Variants in TUBGCP3 observed in about 807,000 individuals in gnomAD.
The protein encoded by TUBGCP3 is gamma-tubulin complex component 3.
TUBGCP3 carries 50 observed loss-of-function variants against 123.1 expected under a neutral mutation model. The ratio of observed to expected loss-of-function variants is 0.41; its 90% CI spans 0.32 to 0.51. TUBGCP3 has a LOEUF of 0.51. Ranked by LOEUF, TUBGCP3 falls within the 20% of genes least tolerant of loss-of-function variation. TUBGCP3 has a pLI of 0.36. For synonymous variants in TUBGCP3, 405 were observed against 413.9 expected (o/e 0.98, Z 0.26); for missense variants, 882 against 1,127.0 (o/e 0.78, Z 3.11).
At chr13:112,576,127 A>AC (rs1408717879) in intron 1 of TUBGCP3, among the ~76,000 whole-genome samples, 1 of 152,270 alleles carries the variant, frequency 6.6e-6, no homozygotes, top group Admixed American at 6.5e-5. Flanking sequence ...AGTAACAACT[A>AC]CAAGACTTAA....
intron 5 of TUBGCP3, 85 bp downstream of exon 5, chr13:112,558,111 G>A (rs1474828151): frequency 1.4e-6 from 2 of 1,431,740 alleles, no homozygotes; most frequent in Admixed American, 2.2e-5. Flanking sequence ...TGATACTGTG[G>A]GTGAACATCA....
At chr13:112,550,515 A>G (rs1445112665) in intron 8 of TUBGCP3, among the ~76,000 whole-genome samples, 2 of 152,190 alleles carry the variant, frequency 1.3e-5, no homozygotes, top group African/African-American at 4.8e-5. Context: ...CAGGGGGTAA[A>G]AATCCAGGGC....
chr13:112,555,317 C>T (rs898396973), intron 6 of TUBGCP3, among the ~76,000 whole-genome samples: 6 of 152,098 alleles, frequency 3.9e-5, no homozygotes, highest in African/African-American at 4.8e-5. Context: ...GAGACTACTG[C>T]GGGGGCTAAT....
At chr13:112,596,954 T>C in the TUBGCP3 span, among the ~76,000 whole-genome samples, 6 of 152,148 alleles carry the variant, frequency 3.9e-5, no homozygotes, top group African/African-American at 1.4e-4. Flanking sequence ...CATAACGCAG[T>C]GAAAAAACCT....
At chr13:112,492,344 T>C (rs1880152314) in intron 20 of TUBGCP3, among the ~76,000 whole-genome samples, 1 of 147,548 alleles carries the variant, frequency 6.8e-6, no homozygotes, top group South Asian at 2.1e-4. Flanking sequence ...TTGTCTTTTA[T>C]TTCTTTACAC....
At chr13:112,533,815 T>TA (rs1294907268) in intron 11 of TUBGCP3, among the ~76,000 whole-genome samples, 3 of 146,762 alleles carry the variant, frequency 2.0e-5, no homozygotes, top group African/African-American at 5.3e-5. Context: ...TTTTTTTTTT[T>TA]TAATTTTCTA....
intron 11 of TUBGCP3, among the ~76,000 whole-genome samples, chr13:112,534,141 G>A (rs1054994552): frequency 3.3e-5 from 5 of 152,176 alleles, no homozygotes; most frequent in Admixed American, 2.0e-4. Context: ...GCCCGACTCC[G>A]GGGGCTGCTG....
At chr13:112,597,731 T>C in the TUBGCP3 span, among the ~76,000 whole-genome samples, 1 of 148,022 alleles carries the variant, frequency 6.8e-6, no homozygotes, top group Admixed American at 6.7e-5. Flanking sequence ...AAAAAAATGG[T>C]GGTGACATGA....
At position 112,511,591 on chromosome 13, in the gene TUBGCP3, C is replaced by T. The variant is rs1262004686; in HGVS notation, c.2086+4849G>A. Among the ~76,000 whole-genome samples, 1 of 151,944 alleles carries T rather than the reference C, an allele frequency of 6.6e-6. No individual in the cohort carries two copies. The highest frequency in any genetic ancestry group is 2.4e-5 in the African/African-American group (1 of 41,362). ...AGCTGCAGGCCACAGGAGCCTGCAGCTCCACAGACTTTAAGACACATTGAG... is the reference window on the plus strand; with the variant it reads ...AGCTGCAGGCCACAGGAGCCTGCAGTTCCACAGACTTTAAGACACATTGAG... On this transcript the variant is annotated intron_variant, in intron 17 of 21. Coordinates refer to ENST00000261965, the MANE Select transcript of TUBGCP3 (RefSeq NM_006322.6). The surrounding 1 kb of genome is among the most constrained non-coding windows in gnomAD (Gnocchi z 4.1).
chr13:112,520,098 A>G, intron 14 of TUBGCP3, 77 bp from the exon 15 acceptor site: 1 of 1,386,566 alleles, frequency 7.2e-7, no homozygotes, highest in South Asian at 1.4e-5. Flanking sequence ...TAAACTATTA[A>G]AAGTAAGAGT....
intron 12 of TUBGCP3, 96 bp from the exon 13 acceptor site, chr13:112,527,146 G>C: frequency 9.0e-7 from 1 of 1,107,072 alleles, no homozygotes; most frequent in Non-Finnish European, 1.3e-6. Context: ...GCTATTGATT[G>C]AAAACTAACA....
At chr13:112,502,631 C>T (rs191512847) in intron 19 of TUBGCP3, among the ~76,000 whole-genome samples, 11 of 150,670 alleles carry the variant, frequency 7.3e-5, no homozygotes, top group Admixed American at 5.3e-4. Flanking sequence ...CTGCAAGCTC[C>T]GCCTCCCGGG....
intron 11 of TUBGCP3, among the ~76,000 whole-genome samples, chr13:112,543,176 C>A (rs1324959361): frequency 6.6e-6 from 1 of 151,876 alleles, no homozygotes; most frequent in African/African-American, 2.4e-5. Context: ...GCGGTCCATG[C>A]AGGTATGCAG....
In TUBGCP3 at chr13:112,545,309, A is replaced by G. The variant is rs190236255; in HGVS notation, c.1335+390T>C. 1.2e-3 allele frequency: 248 copies of G among 205,932 alleles called. 2 individuals are homozygous for G. Among genetic ancestry groups the G allele is most frequent in the Non-Finnish European group, 8.3e-4 (82 of 98,468 alleles). 12.8% of individuals were successfully genotyped at this position (205,932 alleles called of 1,614,324 possible). A position where few individuals can be genotyped will look rare whatever the true frequency, so the allele number is the denominator to read the frequency against. ...TATTTCAATAGCTACATACACAACT[A>G]ACTTGTTTCATTAAGCTGTTAGCAC... On this transcript the variant is annotated intron_variant, in intron 11 of 21. Transcript: ENST00000261965. This position sits in a 1 kb window ranked among gnomAD's most constrained non-coding sequence, Gnocchi z 4.1.
At chr13:112,502,804 CAA>C (rs1406464781) in intron 19 of TUBGCP3, among the ~76,000 whole-genome samples, 1 of 152,080 alleles carries the variant, frequency 6.6e-6, no homozygotes, top group Non-Finnish European at 1.5e-5. Flanking sequence ...CTCAGCCTCC[CAA>C]AGTGCTGGGA....
chr13:112,492,019 A>G (rs1880133052), intron 20 of TUBGCP3, among the ~76,000 whole-genome samples: 1 of 152,178 alleles, frequency 6.6e-6, no homozygotes, highest in Admixed American at 6.5e-5. Context: ...ATCTTCTACT[A>G]TATCACCTGT....
chr13:112,595,808 T>C, the TUBGCP3 span, among the ~76,000 whole-genome samples: 1 of 152,230 alleles, frequency 6.6e-6, no homozygotes, highest in South Asian at 2.1e-4. Flanking sequence ...TTGATGTAAT[T>C]TGATATGTAA....
chr13:112,571,749 G>C (rs1191038500), intron 1 of TUBGCP3, among the ~76,000 whole-genome samples: 2 of 152,192 alleles, frequency 1.3e-5, no homozygotes, highest in East Asian at 3.8e-4. Flanking sequence ...TGTTAGTGTA[G>C]CCACCTTCCC....
At chr13:112,502,314 C>A (rs1354593600) in intron 19 of TUBGCP3, among the ~76,000 whole-genome samples, 1 of 152,188 alleles carries the variant, frequency 6.6e-6, no homozygotes, top group East Asian at 1.9e-4. Flanking sequence ...TGCGACTGCA[C>A]CGTGAGACAG....
Sources: allele counts gnomAD v4.1 joint callset (sites outside exome capture counted in the v4.1 genomes callset), GRCh38; gene constraint gnomAD v4.1.1; non-coding constraint Gnocchi (gnomAD v3.1); transcripts MANE v1.5; gene names NCBI Gene and HGNC (gene_info 2026-07-23, HGNC 2026-07-21).